Variants in MPPED2 observed in about 807,000 individuals in gnomAD.
MPPED2 encodes the protein metallophosphoesterase domain containing 2.
A neutral mutation model predicts 33.0 loss-of-function variants in MPPED2; 5 were observed. The observed-to-expected ratio is 0.15, with a 90% confidence interval of 0.08 to 0.32. The LOEUF is 0.32. MPPED2 is among the 10% of genes least tolerant of loss of function. The probability of loss-of-function intolerance (pLI) is 1.00; values close to 1 mark genes in which losing one functional copy is unlikely to be tolerated. For missense variants in MPPED2, 275 were observed against 372.1 expected (o/e 0.74, Z 2.15); for synonymous variants, 136 against 141.9 (o/e 0.96, Z 0.29).
At chr11:30,504,861 T>C (rs1227668411) in intron 3 of MPPED2, 3 of 1,186,592 alleles carry the variant, frequency 2.5e-6, no homozygotes, top group Non-Finnish European at 3.4e-6. Flanking sequence ...CAGAAAACTA[T>C]ATTACAATAA....
chr11:30,437,187 G>A (rs1949363081), intron 4 of MPPED2, among the ~76,000 whole-genome samples: 1 of 152,122 alleles, frequency 6.6e-6, no homozygotes, highest in Non-Finnish European at 1.5e-5. Flanking sequence ...ATAAAAAACT[G>A]GGACCTAAAC....
At chr11:30,400,931 C>G (rs1161013844) in intron 6 of MPPED2, among the ~76,000 whole-genome samples, 3 of 151,938 alleles carry the variant, frequency 2.0e-5, no homozygotes, top group Admixed American at 6.6e-5. Flanking sequence ...CGACCCTCAG[C>G]TAATTTTTTT....
At chr11:30,517,210 C>G (rs1953583630) in intron 3 of MPPED2, among the ~76,000 whole-genome samples, 1 of 152,262 alleles carries the variant, frequency 6.6e-6, no homozygotes, top group South Asian at 2.1e-4. Context: ...CATATATCTC[C>G]CCAGTGGAAA....
chr11:30,548,153 A>G (rs1955524483), intron 2 of MPPED2, among the ~76,000 whole-genome samples: 1 of 152,150 alleles, frequency 6.6e-6, no homozygotes, highest in Non-Finnish European at 1.5e-5. Context: ...CTCATCTATA[A>G]ACTAGGGATA....
chr11:30,445,536 T>C (rs1949765558), intron 4 of MPPED2, among the ~76,000 whole-genome samples: 1 of 152,236 alleles, frequency 6.6e-6, no homozygotes, highest in African/African-American at 2.4e-5. Context: ...CTCACATTAT[T>C]GTGCAACTAT....
chr11:30,574,396 T>C (rs917407764), intron 2 of MPPED2, among the ~76,000 whole-genome samples: 1 of 152,218 alleles, frequency 6.6e-6, no homozygotes, highest in East Asian at 1.9e-4. Context: ...CCTAGGTGTA[T>C]GGTAGGTTAT....
intron 4 of MPPED2, among the ~76,000 whole-genome samples, chr11:30,461,918 T>C (rs986910776): frequency 8.5e-5 from 13 of 152,310 alleles, no homozygotes; most frequent in East Asian, 1.9e-4. Context: ...GTGTAAACAT[T>C]GAGGCAGAGA....
chr11:30,434,148 C>T (rs1054126065), intron 4 of MPPED2, among the ~76,000 whole-genome samples: 1 of 152,194 alleles, frequency 6.6e-6, no homozygotes, highest in Non-Finnish European at 1.5e-5. Flanking sequence ...TTTAATCACA[C>T]CTGCAAAATC....
At chr11:30,528,434 T>C (rs928075974) in intron 3 of MPPED2, among the ~76,000 whole-genome samples, 1 of 152,106 alleles carries the variant, frequency 6.6e-6, no homozygotes, top group Non-Finnish European at 1.5e-5. Flanking sequence ...TTTTGTATTT[T>C]TTTAGTAGAG....
chr11:30,452,166 T>C, intron 4 of MPPED2: 1 of 875,288 alleles, frequency 1.1e-6, no homozygotes, highest in East Asian at 1.2e-4. Flanking sequence ...AAGACTAAAC[T>C]CCAAATTCTT....
intron 4 of MPPED2, among the ~76,000 whole-genome samples, chr11:30,470,125 C>G (rs891457023): frequency 2.0e-5 from 3 of 152,080 alleles, no homozygotes; most frequent in African/African-American, 7.2e-5. Flanking sequence ...ATTTATTATT[C>G]ATTTTCATTT....
At chr11:30,467,604 C>T (rs890838895) in intron 4 of MPPED2, among the ~76,000 whole-genome samples, 2 of 152,046 alleles carry the variant, frequency 1.3e-5, no homozygotes, top group African/African-American at 4.8e-5. Flanking sequence ...GGGCTGGGAG[C>T]CAAGGTCGAG....
At position 30,494,378 on chromosome 11, in the gene MPPED2, T is replaced by C. The variant is rs146818400; in HGVS notation, c.536+918A>G. ...ACACCCAGCCCCAGTAACATAAACATATACAGCCAGCCCTCCATAATCAGA... is the reference window on the plus strand; with the variant it reads ...ACACCCAGCCCCAGTAACATAAACACATACAGCCAGCCCTCCATAATCAGA... On this transcript the variant is annotated intron_variant, in intron 4 of 6. Coordinates refer to ENST00000358117, the MANE Select transcript of MPPED2 (RefSeq NM_001584.3). Among the ~76,000 whole-genome samples, 1,114 of 152,148 alleles carry C rather than the reference T, an allele frequency of 7.3e-3. 16 individuals are homozygous for C. Among genetic ancestry groups the C allele is most frequent in the Admixed American group, 0.031 (481 of 15,278 alleles).
intron 3 of MPPED2, among the ~76,000 whole-genome samples, chr11:30,495,824 A>G (rs1952224965): frequency 6.6e-6 from 1 of 152,216 alleles, no homozygotes; most frequent in Admixed American, 6.5e-5. Flanking sequence ...ATGAATCCAC[A>G]CTTTATATTT....
At chr11:30,498,066 T>C (rs1156488761) in intron 3 of MPPED2, among the ~76,000 whole-genome samples, 17 of 131,200 alleles carry the variant, frequency 1.3e-4, no homozygotes, top group African/African-American at 6.1e-4. Flanking sequence ...GGCATTTTCG[T>C]TGTTTTTTTT....
chr11:30,492,156 C>G (rs1330798152), intron 4 of MPPED2, among the ~76,000 whole-genome samples: 1 of 152,224 alleles, frequency 6.6e-6, no homozygotes, highest in East Asian at 1.9e-4. Context: ...GTTTGCAGCA[C>G]CACCAAAAAC....
chr11:30,534,938 C>A (rs1028394872), intron 3 of MPPED2, among the ~76,000 whole-genome samples: 3 of 152,052 alleles, frequency 2.0e-5, no homozygotes, highest in African/African-American at 7.2e-5. Flanking sequence ...CGTTTTAAGT[C>A]TTACCAATAA....
chr11:30,435,931 G>A (rs1301880218), intron 4 of MPPED2, among the ~76,000 whole-genome samples: 2 of 152,104 alleles, frequency 1.3e-5, no homozygotes, highest in Admixed American at 6.5e-5. Flanking sequence ...TAGGAGAGAT[G>A]CTAAGATCAG....
At chr11:30,561,059 T>A (rs1956219218) in intron 2 of MPPED2, among the ~76,000 whole-genome samples, 1 of 152,196 alleles carries the variant, frequency 6.6e-6, no homozygotes, top group Non-Finnish European at 1.5e-5. Context: ...AATGTTTTAT[T>A]TGTTTTTTAA....
Sources: allele counts gnomAD v4.1 joint callset (sites outside exome capture counted in the v4.1 genomes callset), GRCh38; gene constraint gnomAD v4.1.1; transcripts MANE v1.5; gene names NCBI Gene and HGNC (gene_info 2026-07-23, HGNC 2026-07-21).